CCNK: variants seen among roughly 807,000 people sequenced by gnomAD.
CCNK encodes cyclin-K.
CCNK carries 9 observed loss-of-function variants against 65.0 expected under a neutral mutation model. The observed-to-expected ratio is 0.14, with a 90% CI of 0.08 to 0.24. The LOEUF (loss-of-function observed/expected upper bound fraction) is 0.24. CCNK is among the 10% of genes least tolerant of loss of function. The pLI is 1.00. For synonymous variants in CCNK, 279 were observed against 270.8 expected (o/e 1.03, Z -0.30); for missense variants, 474 against 720.0 (o/e 0.66, Z 3.91).
At chr14:99,500,920 T>G (rs183907313) in intron 5 of CCNK, 49 bp downstream of exon 5, 8 of 1,171,950 alleles carry the variant, frequency 6.8e-6, no homozygotes, top group Admixed American at 2.5e-5. Flanking sequence ...AATCAAGTCT[T>G]TATAATTTGA....
intron 8 of CCNK, 29 bp from the exon 9 acceptor site, chr14:99,503,582 T>G: frequency 2.6e-6 from 4 of 1,547,100 alleles, no homozygotes; most frequent in Non-Finnish European, 3.5e-6. Context: ...GGATCCCAGT[T>G]AACAATTGTG....
chr14:99,498,970 T>G (rs1694363531), intron 4 of CCNK, among the ~76,000 whole-genome samples: 1 of 152,208 alleles, frequency 6.6e-6, no homozygotes, highest in African/African-American at 2.4e-5. Context: ...AAGAATTGTT[T>G]CTAAATTTAG....
chr14:99,493,960 C>T (rs1457099785), intron 3 of CCNK: 2 of 171,926 alleles, frequency 1.2e-5, no homozygotes, highest in Non-Finnish European at 2.5e-5. Flanking sequence ...CTCCTCAAGA[C>T]GTGCATTGTG....
At chr14:99,492,283 G>C (rs992260153) in intron 1 of CCNK, 1 of 168,070 alleles carries the variant, frequency 5.9e-6, no homozygotes, top group Non-Finnish European at 1.3e-5. Context: ...ACCAGCGTTA[G>C]AGGACCTGTA....
At chr14:99,505,431 G>A (rs1338999553) in intron 9 of CCNK, 2 of 152,244 alleles carry the variant, frequency 1.3e-5, no homozygotes, top group Non-Finnish European at 2.9e-5. Context: ...CAAGAAAGGA[G>A]AACGTAAGAC....
At chr14:99,500,896 T>C in intron 5 of CCNK, 25 bp downstream of exon 5, 1 of 1,337,598 alleles carries the variant, frequency 7.5e-7, no homozygotes, top group African/African-American at 1.5e-5. Context: ...TTCAGAAGAA[T>C]TTTTTCATTC....
chr14:99,486,940 C>G (rs1046221433), intron 1 of CCNK, among the ~76,000 whole-genome samples: 1 of 152,158 alleles, frequency 6.6e-6, no homozygotes, highest in African/African-American at 2.4e-5. Flanking sequence ...ATTGTCTCTC[C>G]CACTAGAATG....
At chr14:99,507,374 C>T (rs1897001616) in intron 10 of CCNK, 3 of 526,424 alleles carry the variant, frequency 5.7e-6, no homozygotes, top group Non-Finnish European at 1.0e-5. Flanking sequence ...CCCAGGAGTT[C>T]GAGGTCAGCC....
At chr14:99,508,760 G>C (rs1897039468) in intron 10 of CCNK, 1 of 152,468 alleles carries the variant, frequency 6.6e-6, no homozygotes. Context: ...CACAAGGGCA[G>C]GCACACTGGT....
At chr14:99,499,315 G>A (rs1896769275) in intron 4 of CCNK, among the ~76,000 whole-genome samples, 1 of 152,222 alleles carries the variant, frequency 6.6e-6, no homozygotes, top group African/African-American at 2.4e-5. Flanking sequence ...TGGGATTACA[G>A]GCATGAGCCA....
rs200503921 is a variant in CCNK, at chr14:99,502,973, A to G, written c.1000A>G (p.Lys334Glu). ...SPQPSSPRQV[K>E]RAVVVSPKEE... ...GCAGCCCAGTTCTCCCCGACAGGTT[A>G]AGCGAGCCGTGGTGAGTGGGCTAAA... Residue 334 changes from lysine (K) to glutamate (E), a missense_variant, in exon 8 of 11, where the codon AAG becomes GAG. By Grantham distance (56) the Lys-to-Glu change is moderately conservative. Coordinates refer to ENST00000389879, the MANE Select transcript of CCNK (RefSeq NM_001099402.2). The G allele has an allele frequency of 6.2e-7, 1 of 1,613,976 alleles. No homozygotes were observed. Among genetic ancestry groups the G allele is most frequent in the African/African-American group, 1.3e-5 (1 of 75,048 alleles).
In CCNK at chr14:99,507,188, G is replaced by A. The variant is rs780540514; in HGVS notation, c.1117+41G>A. The A allele has an allele frequency of 1.6e-5, 19 of 1,196,696 alleles. No individual in the cohort carries two copies. The Admixed American group carries it at 1.8e-4, about 12-fold the overall frequency. The allele number at this position is 1,196,696 out of a possible 1,614,324, so 74.1% of individuals were successfully genotyped here. Reference sequence around the variant, plus strand: ...AGCAGCTTGGCCAGCTGTGCACATCGCCTCTGAATGTTGGACGCAGCAGGT... The same window carrying A: ...AGCAGCTTGGCCAGCTGTGCACATCACCTCTGAATGTTGGACGCAGCAGGT... On this transcript the variant is annotated intron_variant, in intron 10 of 10. Transcript: ENST00000389879.
chr14:99,494,159 A>G (rs1367638824), intron 3 of CCNK: 1 of 152,540 alleles, frequency 6.6e-6, no homozygotes, highest in African/African-American at 2.4e-5. Context: ...GCATTAAGGT[A>G]AGCCTTAAAC....
chr14:99,489,346 A>G (rs998188375), intron 1 of CCNK, among the ~76,000 whole-genome samples: 2 of 152,152 alleles, frequency 1.3e-5, no homozygotes, highest in African/African-American at 4.8e-5. Flanking sequence ...TAATGACACT[A>G]CTAACAGTAC....
intron 1 of CCNK, among the ~76,000 whole-genome samples, chr14:99,487,937 T>TC (rs1896525281): frequency 6.6e-6 from 1 of 152,232 alleles, no homozygotes; most frequent in Non-Finnish European, 1.5e-5. Context: ...GTCCTCCTGG[T>TC]CTCCTATTCA....
At chr14:99,494,545 T>C (rs1366986623) in intron 3 of CCNK, 1 of 152,338 alleles carries the variant, frequency 6.6e-6, no homozygotes, top group East Asian at 1.9e-4. Context: ...ATCAGTTTTG[T>C]ACCCCCGGCA....
chr14:99,495,433 T>C lies in CCNK; in HGVS notation c.280-65T>C, dbSNP rs143133451. On this transcript the variant is annotated intron_variant, in intron 3 of 10. Coordinates refer to ENST00000389879, the MANE Select transcript of CCNK (RefSeq NM_001099402.2). ...GACCAGTTTATTACGAAGGCCAAAA[T>C]TTATTGTATCTATTTCTGTGTGACC... The C allele has an allele frequency of 2.0e-4, 305 of 1,494,090 alleles. 1 individual carries two copies. The African/African-American group carries it at 3.7e-3, about 18-fold the overall frequency. The allele number at this position is 1,494,090 out of a possible 1,614,324, so 92.6% of individuals were successfully genotyped here.
intron 8 of CCNK, chr14:99,503,191 C>G: frequency 7.1e-6 from 5 of 707,492 alleles, no homozygotes; most frequent in Non-Finnish European, 1.0e-5. Flanking sequence ...GGAGGGGGCT[C>G]TCTGCCCGGC....
chr14:99,502,324 T>C lies in CCNK; in HGVS notation c.693T>C (p.Tyr231=), dbSNP rs764864837. ...AAGAATGGACCTCCAAACCCATGTATAGGAGATGGTGGGAGCAGTTTGTTC... is the reference window on the plus strand; with the variant it reads ...AAGAATGGACCTCCAAACCCATGTACAGGAGATGGTGGGAGCAGTTTGTTC... ...EIQEWTSKPM[Y]RRWWEQFVQD... is the part of the protein sequence containing the mutation. The change falls in exon 7 of 11, where the codon TAT becomes TAC. Residue 231 remains tyrosine (Y), a synonymous_variant. Coordinates refer to ENST00000389879, the MANE Select transcript of CCNK (RefSeq NM_001099402.2). 8 of 1,613,624 alleles carry C rather than the reference T, an allele frequency of 5.0e-6. No homozygotes were observed. The highest frequency in any genetic ancestry group is 6.8e-6 in the Non-Finnish European group (8 of 1,179,802).
Sources: allele counts gnomAD v4.1 joint callset (sites outside exome capture counted in the v4.1 genomes callset), GRCh38; gene constraint gnomAD v4.1.1; transcripts MANE v1.5; gene names NCBI Gene and HGNC (gene_info 2026-07-23, HGNC 2026-07-21).